Variants in SDSL observed in about 807,000 individuals in gnomAD.
SDSL encodes the protein serine dehydratase like, also known as serine dehydratase-like.
A neutral mutation model predicts 27.6 loss-of-function variants in SDSL; 26 were observed. The ratio of observed to expected loss-of-function variants is 0.94; its 90% CI spans 0.69 to 1.31. The LOEUF (loss-of-function observed/expected upper bound fraction) is 1.31. SDSL is among the 50% of genes most tolerant of loss of function. SDSL has a pLI of 0.00. For synonymous variants in SDSL, 196 were observed against 180.6 expected (o/e 1.09, Z -0.69); for missense variants, 431 against 423.5 (o/e 1.02, Z -0.16).
intron 6 of SDSL, 86 bp downstream of exon 6, chr12:113,435,642 G>A (rs775736372): frequency 2.7e-5 from 31 of 1,150,174 alleles, no homozygotes; most frequent in Admixed American, 6.6e-5. Context: ...CGGTGGAGAC[G>A]GGGGCACCCA....
Position 113,438,161 on chromosome 12 carries a change from G to GCTTCC in SDSL, c.*82_*83insCTTCC. The GCTTCC allele has an allele frequency of 1.6e-6, 2 of 1,251,618 alleles. No homozygotes were observed. The highest frequency in any genetic ancestry group is 2.2e-6 in the Non-Finnish European group (2 of 897,894). 77.5% of individuals were successfully genotyped at this position (1,251,618 alleles called of 1,614,324 possible). ...GGATGAGGAGGACTCAGTGCTGGCA[G>GCTTCC]ATGGCAGTGGAAGCTGCCCTGTGCA... is the stretch of plus-strand genomic sequence containing the variant. On this transcript the variant is annotated 3_prime_UTR_variant, in exon 8 of 8. Coordinates refer to ENST00000403593, the MANE Select transcript of SDSL (RefSeq NM_001304993.2).
intron 6 of SDSL, 86 bp from the exon 7 acceptor site, chr12:113,436,665 G>T (rs1957998539): frequency 7.4e-7 from 1 of 1,345,496 alleles, no homozygotes; most frequent in Non-Finnish European, 9.8e-7. Flanking sequence ...GGATGGGAGG[G>T]GGTGGCTGGG....
rs773930616 is a variant in SDSL, at chr12:113,436,849, C to A, written c.770C>A (p.Ala257Asp). 4 of 1,609,738 alleles carry A rather than the reference C, an allele frequency of 2.5e-6. No homozygotes were observed. The highest frequency in any genetic ancestry group is 2.5e-6 in the Non-Finnish European group (3 of 1,178,818). ...TCTGAAGTGGTGGAGGACACCGAGG[C>A]TGTGAGCGCTGTGCAGCAGCTCCTG... is the stretch of plus-strand genomic sequence containing the variant. ...IHSEVVEDTE[A>D]VSAVQQLLDD... The change falls in exon 7 of 8, where the codon GCT becomes GAT. Residue 257 changes from alanine to aspartate, a missense_variant. Transcript: ENST00000403593.
In SDSL at chr12:113,430,272, A is replaced by C. The variant is rs543557398; in HGVS notation, c.354+973A>C. On this transcript the variant is annotated intron_variant, in intron 4 of 7. Coordinates refer to ENST00000403593, the MANE Select transcript of SDSL (RefSeq NM_001304993.2). ...ATTTGAGATTATTATGAGGAGACACACAGGTAACCAGATGATGGTAACAAA... is the reference window on the plus strand; with the variant it reads ...ATTTGAGATTATTATGAGGAGACACCCAGGTAACCAGATGATGGTAACAAA... 2.6e-5 allele frequency among the ~76,000 whole-genome samples: 4 copies of C among 152,340 alleles called. No homozygotes were observed. The South Asian group carries it at 8.3e-4, about 32-fold the overall frequency.
rs1180947362 is a variant in SDSL, at chr12:113,428,401, C to A, written c.175-19C>A. ...CACCTGCTTGGGTTAGCCGCTAACCCCATTCCTTCTCTTCCCAGATGGCCA... is the reference window on the plus strand; with the variant it reads ...CACCTGCTTGGGTTAGCCGCTAACCACATTCCTTCTCTTCCCAGATGGCCA... On this transcript the variant is annotated intron_variant, in intron 2 of 7. Transcript: ENST00000403593. 6.2e-7 allele frequency: 1 copy of A among 1,609,786 alleles called. No homozygotes were observed. Among genetic ancestry groups the A allele is most frequent in the Non-Finnish European group, 8.5e-7 (1 of 1,178,450 alleles).
Position 113,435,386 on chromosome 12 carries a change from T to A in SDSL, c.501T>A (p.Gly167=). 1 of 1,606,184 alleles carries A rather than the reference T, an allele frequency of 6.2e-7. No homozygotes were observed. Among genetic ancestry groups the A allele is most frequent in the Middle Eastern group, 1.8e-4 (1 of 5,518 alleles). The stretch of plus-strand genomic sequence containing the variant: ...AAGCAGTGCTGAGGACCCCACCAGG[T>A]GCCCTGGTGCTGGCAGTTGGGGGTG... The part of the protein sequence containing the change: ...ELKAVLRTPP[G]ALVLAVGGGG... Residue 167 remains glycine (G), a synonymous_variant, in exon 6 of 8, where the codon GGT becomes GGA. Transcript: ENST00000403593.
chr12:113,438,224 C>A lies in SDSL; in HGVS notation c.*145C>A. The A allele has an allele frequency of 3.1e-6, 2 of 647,242 alleles. No individual in the cohort carries two copies. The highest frequency in any genetic ancestry group is 5.1e-6 in the Non-Finnish European group (2 of 392,656). 40.1% of individuals were successfully genotyped at this position (647,242 alleles called of 1,614,324 possible). On this transcript the variant is annotated 3_prime_UTR_variant, in exon 8 of 8. Coordinates refer to ENST00000403593, the MANE Select transcript of SDSL (RefSeq NM_001304993.2). ...GCCTCCTGAAGGAAGCCCTCCTGGA[C>A]TGCTTCTTTTGGCTCTCCGACAACT... is the stretch of plus-strand genomic sequence containing the variant.
At position 113,428,094 on chromosome 12, in the gene SDSL, T is replaced by C; in HGVS notation, c.112T>C (p.Cys38Arg). 1 of 1,613,750 alleles carries C rather than the reference T, an allele frequency of 6.2e-7. No individual in the cohort carries two copies. The highest frequency in any genetic ancestry group is 8.5e-7 in the Non-Finnish European group (1 of 1,179,942). The change falls in exon 2 of 8, where the codon TGT becomes CGT. Residue 38 changes from cysteine to arginine, a missense_variant. Physicochemically the swap from Cys to Arg is radical, Grantham distance 180 (BLOSUM62 -3). Transcript: ENST00000403593. Reference sequence around the variant, plus strand: ...GGCGGGCATGCCTGTCTTCCTCAAGTGTGAGAATGTGCAGCCCAGCGGCTC... The same window carrying C: ...GGCGGGCATGCCTGTCTTCCTCAAGCGTGAGAATGTGCAGCCCAGCGGCTC... ...QVAGMPVFLKCENVQPSGSFK... is the reference protein window; with the variant it reads ...QVAGMPVFLKRENVQPSGSFK...
intron 1 of SDSL, among the ~76,000 whole-genome samples, chr12:113,425,263 A>C (rs1206022305): frequency 6.6e-6 from 1 of 151,968 alleles, no homozygotes; most frequent in Non-Finnish European, 1.5e-5. Context: ...GCATTTGGGG[A>C]TCAGTGATGA....
At chr12:113,426,234 G>A (rs1157309697) in intron 1 of SDSL, 1 of 455,646 alleles carries the variant, frequency 2.2e-6, no homozygotes, top group Non-Finnish European at 4.4e-6. Flanking sequence ...GCTGTTCTCT[G>A]TAGGAACTTT....
intron 4 of SDSL, among the ~76,000 whole-genome samples, chr12:113,433,413 C>T (rs967357741): frequency 1.3e-5 from 2 of 152,104 alleles, no homozygotes; most frequent in Non-Finnish European, 2.9e-5. Context: ...GGCATGGGGT[C>T]CCTCTGAAAT....
intron 1 of SDSL, among the ~76,000 whole-genome samples, chr12:113,423,115 C>A (rs1302283690): frequency 6.6e-6 from 1 of 152,178 alleles, no homozygotes; most frequent in African/African-American, 2.4e-5. Context: ...CTGTTGGCAA[C>A]TTGGGGCTTT....
intron 1 of SDSL, chr12:113,427,397 C>T (rs1033459832): frequency 1.9e-5 from 3 of 154,296 alleles, no homozygotes; most frequent in Admixed American, 1.3e-4. Flanking sequence ...AGGCGTGAGC[C>T]GCTGTGCCCC....
chr12:113,431,884 C>T (rs565925972), intron 4 of SDSL, among the ~76,000 whole-genome samples: 1 of 151,472 alleles, frequency 6.6e-6, no homozygotes, highest in African/African-American at 2.4e-5. Context: ...GACTACAGGC[C>T]AGCTACTACA....
chr12:113,431,939 T>G (rs2136955446), intron 4 of SDSL, among the ~76,000 whole-genome samples: 1 of 149,740 alleles, frequency 6.7e-6, no homozygotes, highest in Admixed American at 6.6e-5. Context: ...GTATTTTTAG[T>G]AGAGACAGGA....
chr12:113,431,990 C>T (rs1423609205), intron 4 of SDSL, among the ~76,000 whole-genome samples: 6 of 150,480 alleles, frequency 4.0e-5, no homozygotes, highest in East Asian at 2.0e-4. Flanking sequence ...CTCCTGACCT[C>T]GTGATCCACC....
intron 3 of SDSL, 73 bp from the exon 4 acceptor site, chr12:113,429,087 A>G (rs1013437581): frequency 1.3e-6 from 2 of 1,542,106 alleles, no homozygotes; most frequent in African/African-American, 1.4e-5. Context: ...CTGAAGGGAT[A>G]TGGAGGGGGA....
At chr12:113,424,667 C>T (rs1305567474) in intron 1 of SDSL, among the ~76,000 whole-genome samples, 1 of 152,072 alleles carries the variant, frequency 6.6e-6, no homozygotes, top group African/African-American at 2.4e-5. Context: ...GAGATAACGT[C>T]TCCAGAGGAC....
chr12:113,429,476 T>G (rs1957893178), intron 4 of SDSL, among the ~76,000 whole-genome samples, 177 bp downstream of exon 4: 1 of 152,014 alleles, frequency 6.6e-6, no homozygotes, highest in Non-Finnish European at 1.5e-5. Context: ...AGGGCTGGGA[T>G]CTCCCAACTT....
Sources: gnomAD v4.1 joint callset for allele counts (sites outside exome capture counted in the v4.1 genomes callset) on GRCh38, gnomAD v4.1.1 for gene constraint, MANE v1.5 for transcripts, NCBI Gene and HGNC (gene_info 2026-07-23, HGNC 2026-07-21) for gene names.